The following SLC8A1 variants were observed in gnomAD, a reference collection of about 807,000 sequenced individuals.
The protein encoded by SLC8A1 is sodium/calcium exchanger 1.
In SLC8A1, 18 loss-of-function variants were observed where a neutral mutation model predicts 68.3. The observed-to-expected ratio is 0.26, with a 90% confidence interval of 0.18 to 0.39. The LOEUF (loss-of-function observed/expected upper bound fraction) is 0.39, where lower values mean the gene tolerates loss of function less well. Ranked by LOEUF, SLC8A1 falls within the 10% of genes least tolerant of loss-of-function variation. The pLI is 1.00. For missense variants in SLC8A1, 985 were observed against 1,156.7 expected, an observed-to-expected ratio of 0.85 and a Z score of 2.15; for synonymous variants, 475 against 415.5, an observed-to-expected ratio of 1.14 and a Z score of -1.74.
At chr2:40,211,860 A>C (rs1040097946) in intron 2 of SLC8A1, among the ~76,000 whole-genome samples, 2 of 152,202 alleles carry the variant, frequency 1.3e-5, no homozygotes, top group African/African-American at 4.8e-5. Flanking sequence ...ATTTTTCTGA[A>C]GATGTGAACA....
At chr2:40,375,767 T>G (rs6747815) in intron 2 of SLC8A1, among the ~76,000 whole-genome samples, 3,701 of 152,100 alleles carry the variant, frequency 0.024, 144 homozygotes, top group African/African-American at 0.084. Flanking sequence ...CTTTGGAAGG[T>G]CAAGGCAGGC....
At chr2:40,305,572 A>G (rs188390730) in intron 2 of SLC8A1, among the ~76,000 whole-genome samples, 520 of 152,318 alleles carry the variant, frequency 3.4e-3, no homozygotes, top group Admixed American at 6.9e-3. Flanking sequence ...AGAGGCTGTG[A>G]TAAGCATTTG....
intron 2 of SLC8A1, among the ~76,000 whole-genome samples, chr2:40,364,887 A>G (rs1284533957): frequency 1.3e-5 from 2 of 152,104 alleles, no homozygotes; most frequent in Non-Finnish European, 2.9e-5. Flanking sequence ...TTCTTGAGAA[A>G]TGACAGGGAA....
chr2:40,428,439 A>G (rs1444326155), intron 2 of SLC8A1, 34 bp downstream of exon 2: 2 of 1,479,144 alleles, frequency 1.4e-6, no homozygotes, highest in South Asian at 2.7e-5. Flanking sequence ...ACACACACAC[A>G]CACACACACA....
chr2:40,337,462 A>T (rs906061019), intron 2 of SLC8A1: 1 of 224,400 alleles, frequency 4.5e-6, no homozygotes, highest in African/African-American at 2.2e-5. Flanking sequence ...AGTCAGGTAA[A>T]AAAAGGAAAA....
Position 40,200,218 on chromosome 2 carries a change from ATTTT to A in SLC8A1, c.1809-22367_1809-22364del, listed in dbSNP as rs375555173. Reference sequence around the variant, plus strand: ...TATATATATATATAAATATATATATATTTTTTTATATATATATATAAATATATAT... The same window carrying A: ...TATATATATATATAAATATATATATATTTATATATATATATAAATATATAT... On this transcript the variant is annotated intron_variant, in intron 2 of 7. Transcript: ENST00000406785. 6.7e-3 allele frequency among the ~76,000 whole-genome samples: 169 copies of A among 25,256 alleles called. 5 individuals carry two copies. Among genetic ancestry groups the A allele is most frequent in the African/African-American group, 0.013 (109 of 8,282 alleles). 16.6% of individuals were successfully genotyped at this position (25,256 alleles called of 152,430 possible). A position where few individuals can be genotyped will look rare whatever the true frequency, so the allele number is the denominator to read the frequency against.
chr2:40,254,796 C>T (rs540859081), intron 2 of SLC8A1: 1 of 152,196 alleles, frequency 6.6e-6, no homozygotes, highest in Non-Finnish European at 1.5e-5. Context: ...TTGACAGGCT[C>T]ATTACAGCAA....
intron 2 of SLC8A1, among the ~76,000 whole-genome samples, chr2:40,365,785 G>A (rs1440321717): frequency 2.0e-5 from 3 of 151,992 alleles, no homozygotes; most frequent in Non-Finnish European, 2.9e-5. Context: ...AGGATTGCTT[G>A]AGGCCAGGAG....
At chr2:40,135,548 T>G (rs2040348497) in intron 7 of SLC8A1, among the ~76,000 whole-genome samples, 1 of 152,016 alleles carries the variant, frequency 6.6e-6, no homozygotes, top group Non-Finnish European at 1.5e-5. Context: ...TGAAATCCTC[T>G]CTCTACTAAA....
intron 2 of SLC8A1, among the ~76,000 whole-genome samples, chr2:40,222,080 G>A (rs1177216602): frequency 6.6e-6 from 1 of 152,052 alleles, no homozygotes; most frequent in Non-Finnish European, 1.5e-5. Context: ...TAAGCAGAAA[G>A]AACAAAGCTG....
chr2:40,507,311 G>A (rs536201181), intron 1 of SLC8A1, among the ~76,000 whole-genome samples: 2 of 151,998 alleles, frequency 1.3e-5, no homozygotes, highest in South Asian at 4.1e-4. Flanking sequence ...GATAGGCAGG[G>A]AGACTACAAG....
chr2:40,171,170 T>C (rs1455564242), intron 4 of SLC8A1, among the ~76,000 whole-genome samples: 2 of 152,224 alleles, frequency 1.3e-5, no homozygotes, highest in Admixed American at 1.3e-4. Context: ...TCTCTGACTC[T>C]CAGGCTTCTC....
chr2:40,465,399 A>G (rs1283601570), intron 1 of SLC8A1, among the ~76,000 whole-genome samples: 1 of 152,180 alleles, frequency 6.6e-6, no homozygotes, highest in Non-Finnish European at 1.5e-5. Context: ...GAAAAAGTGT[A>G]CTGTTTTACT....
At chr2:40,130,188 C>A (rs2039043050) in intron 7 of SLC8A1, among the ~76,000 whole-genome samples, 1 of 152,212 alleles carries the variant, frequency 6.6e-6, no homozygotes, top group Non-Finnish European at 1.5e-5. Context: ...ATGGATCTTT[C>A]CCAGGTTTTT....
At chr2:40,360,414 G>A (rs1018467526) in intron 2 of SLC8A1, among the ~76,000 whole-genome samples, 5 of 152,058 alleles carry the variant, frequency 3.3e-5, no homozygotes, top group Non-Finnish European at 5.9e-5. Flanking sequence ...ATTTATATGT[G>A]GTTAGGCTAA....
intron 2 of SLC8A1, among the ~76,000 whole-genome samples, chr2:40,333,732 G>T (rs2076680220): frequency 6.6e-6 from 1 of 151,930 alleles, no homozygotes; most frequent in Non-Finnish European, 1.5e-5. Context: ...CTATTAGTTT[G>T]GAGTCAGTAA....
At chr2:40,122,204 G>T (rs867060821) in intron 7 of SLC8A1, among the ~76,000 whole-genome samples, 1 of 109,890 alleles carries the variant, frequency 9.1e-6, no homozygotes, top group African/African-American at 2.7e-5. Context: ...GCATGCGCGC[G>T]CGCACACACA....
chr2:40,485,832 A>G (rs1704933237), intron 1 of SLC8A1, among the ~76,000 whole-genome samples: 1 of 152,212 alleles, frequency 6.6e-6, no homozygotes, highest in Admixed American at 6.5e-5. Context: ...GCAGTGCTCA[A>G]AAAATACTGT....
chr2:40,332,103 T>C (rs965435252), intron 2 of SLC8A1, among the ~76,000 whole-genome samples: 1 of 152,048 alleles, frequency 6.6e-6, no homozygotes, highest in Non-Finnish European at 1.5e-5. Context: ...GCATCAGCCA[T>C]AGTGCCTGGC....
Sources: gnomAD v4.1 joint callset for allele counts (sites outside exome capture counted in the v4.1 genomes callset) on GRCh38, gnomAD v4.1.1 for gene constraint, MANE v1.5 for transcripts, NCBI Gene and HGNC (gene_info 2026-07-23, HGNC 2026-07-21) for gene names.